Variants in TNFSF8 observed in about 807,000 individuals in gnomAD.
The protein encoded by TNFSF8 is tumor necrosis factor ligand superfamily member 8.
A neutral mutation model predicts 22.0 loss-of-function variants in TNFSF8; 4 were observed. The observed-to-expected ratio is 0.18, with a 90% CI of 0.09 to 0.42. The LOEUF (loss-of-function observed/expected upper bound fraction) is 0.42. TNFSF8 is among the 10% of genes least tolerant of loss of function. The pLI is 1.00. For synonymous variants in TNFSF8, 106 were observed against 112.5 expected (o/e 0.94, Z 0.37); for missense variants, 233 against 281.8 (o/e 0.83, Z 1.24).
chr9:114,919,848 T>G lies in TNFSF8; in HGVS notation c.196-1710A>C, dbSNP rs552852005. ...CTTGTTTTCTTATGAATGGATCTCT[T>G]CTCTAGTGCAAGAGGTTGGTAGTGA... On this transcript the variant is annotated intron_variant, in intron 1 of 3. Transcript: ENST00000223795. 2.0e-5 allele frequency among the ~76,000 whole-genome samples: 3 copies of G among 152,278 alleles called. No individual in the cohort carries two copies. The South Asian group carries it at 6.2e-4, about 32-fold the overall frequency.
chr9:114,920,502 T>C (rs981294039), intron 1 of TNFSF8, among the ~76,000 whole-genome samples: 4 of 152,196 alleles, frequency 2.6e-5, no homozygotes, highest in Non-Finnish European at 5.9e-5. Context: ...TTAAAAAATA[T>C]AAATAAATGT....
chr9:114,902,629 G>A lies in TNFSF8; in HGVS notation c.*1302C>T. On this transcript the variant is annotated 3_prime_UTR_variant, in exon 4 of 4. Coordinates refer to ENST00000223795, the MANE Select transcript of TNFSF8 (RefSeq NM_001244.4). The stretch of plus-strand genomic sequence containing the variant: ...AACCTTGTCCCCATATTCTGGCTCT[G>A]CTGAGATGAGATGCAGTCAGGTGTT... 1 of 985,380 alleles carries A rather than the reference G, an allele frequency of 1.0e-6. No homozygotes were observed. The highest frequency in any genetic ancestry group is 4.7e-5 in the South Asian group (1 of 21,286). The allele number at this position is 985,380 out of a possible 1,614,324, so 61.0% of individuals were successfully genotyped here.
intron 2 of TNFSF8, among the ~76,000 whole-genome samples, chr9:114,915,689 T>C (rs1462429184): frequency 1.3e-5 from 2 of 152,202 alleles, no homozygotes; most frequent in Admixed American, 6.5e-5. Flanking sequence ...ATTCCCCATG[T>C]TGCTGTGGCT....
chr9:114,925,692 T>C (rs1828048334), intron 1 of TNFSF8, among the ~76,000 whole-genome samples: 1 of 152,070 alleles, frequency 6.6e-6, no homozygotes, highest in African/African-American at 2.4e-5. Flanking sequence ...AGAGTATTAT[T>C]ATTATTATTT....
intron 1 of TNFSF8, among the ~76,000 whole-genome samples, chr9:114,927,557 C>T (rs930783902): frequency 1.3e-5 from 2 of 152,188 alleles, no homozygotes; most frequent in African/African-American, 4.8e-5. Context: ...AACTAATCCC[C>T]AGGAGTTTTT....
At chr9:114,922,185 C>T (rs1280238062) in intron 1 of TNFSF8, among the ~76,000 whole-genome samples, 1 of 152,206 alleles carries the variant, frequency 6.6e-6, no homozygotes, top group African/African-American at 2.4e-5. Context: ...GCCTCAATAC[C>T]TTGAAAGGCT....
At chr9:114,905,981 T>C in intron 2 of TNFSF8, 82 bp from the exon 3 acceptor site, 1 of 894,264 alleles carries the variant, frequency 1.1e-6, no homozygotes, top group South Asian at 1.4e-5. Context: ...TACAACACTT[T>C]GATGGAGACA....
intron 1 of TNFSF8, among the ~76,000 whole-genome samples, chr9:114,923,131 G>A (rs987953452): frequency 7.9e-5 from 12 of 151,976 alleles, no homozygotes; most frequent in Non-Finnish European, 1.6e-4. Flanking sequence ...ATCTAGTTCC[G>A]TTTCTTCTCC....
At chr9:114,923,415 C>A (rs1030079803) in intron 1 of TNFSF8, among the ~76,000 whole-genome samples, 1 of 152,168 alleles carries the variant, frequency 6.6e-6, no homozygotes, top group Non-Finnish European at 1.5e-5. Flanking sequence ...ATGGCAAAAC[C>A]ACCAAGTGAA....
rs1268685299 is a variant in TNFSF8, at chr9:114,901,749, A to G, written c.*2182T>C. The G allele has an allele frequency of 1.2e-5, 12 of 985,226 alleles. No homozygotes were observed. The Admixed American group carries it at 7.4e-4, about 61-fold the overall frequency. 61.0% of individuals were successfully genotyped at this position (985,226 alleles called of 1,614,324 possible). A position where few individuals can be genotyped will look rare whatever the true frequency, so the allele number is the denominator to read the frequency against. ...TTCCAATGCCTGCTTCTCCCAAAGA[A>G]TCTACTCACAGAAAGAGTTAAAGAG... On this transcript the variant is annotated 3_prime_UTR_variant, in exon 4 of 4. Transcript: ENST00000223795.
chr9:114,917,494 A>T (rs933050706), intron 2 of TNFSF8, among the ~76,000 whole-genome samples: 7 of 152,222 alleles, frequency 4.6e-5, no homozygotes, highest in Non-Finnish European at 1.0e-4. Flanking sequence ...TGAACTCGGC[A>T]TATCATCTCT....
At chr9:114,920,718 G>A (rs890899505) in intron 1 of TNFSF8, among the ~76,000 whole-genome samples, 1 of 152,082 alleles carries the variant, frequency 6.6e-6, no homozygotes, top group South Asian at 2.1e-4. Context: ...ACCCAGGCTG[G>A]AGTGCAGTGG....
rs377462621 is a variant in TNFSF8, at chr9:114,915,538, A to G, written c.238+2558T>C. Among the ~76,000 whole-genome samples, 6 of 152,136 alleles carry G rather than the reference A, an allele frequency of 3.9e-5. No homozygotes were observed. In the East Asian group the frequency reaches 5.8e-4, roughly 15 times the overall value. On this transcript the variant is annotated intron_variant, in intron 2 of 3. Transcript: ENST00000223795. ...GTACTGCCTCCAGCAGGTCACTGGC[A>G]TCTCATGGTGGAAGCCGGTCATGCA...
intron 2 of TNFSF8, among the ~76,000 whole-genome samples, chr9:114,917,424 T>C (rs1381007703): frequency 5.3e-5 from 8 of 152,164 alleles, no homozygotes; most frequent in Non-Finnish European, 1.2e-4. Context: ...TCCTTTTCCT[T>C]CTCTGAGCAA....
intron 1 of TNFSF8, among the ~76,000 whole-genome samples, chr9:114,926,743 G>A (rs1019067860): frequency 6.6e-6 from 1 of 151,898 alleles, no homozygotes; most frequent in African/African-American, 2.4e-5. Context: ...TGTGTACTGT[G>A]TATTTGTAGA....
chr9:114,897,037 G>T (rs1009949609), downstream of TNFSF8, among the ~76,000 whole-genome samples: 4 of 152,030 alleles, frequency 2.6e-5, no homozygotes, highest in Non-Finnish European at 4.4e-5. Flanking sequence ...CGAGTAGCTG[G>T]GATTACAGGC....
intron 1 of TNFSF8, among the ~76,000 whole-genome samples, chr9:114,928,523 A>ATC (rs767053843): frequency 1.2e-4 from 18 of 151,160 alleles, no homozygotes; most frequent in South Asian, 4.2e-4. Context: ...TTTTTCCACC[A>ATC]TCTCTCTCTC....
In TNFSF8 at chr9:114,902,010, T is replaced by C. The variant is rs1046063173; in HGVS notation, c.*1921A>G. On this transcript the variant is annotated 3_prime_UTR_variant, in exon 4 of 4. Transcript: ENST00000223795. ...CCTTTTCTCTCCTTCTTGAGAAAAATGCAAATTTTGCTCCATGTTTTGGTA... is the reference window on the plus strand; with the variant it reads ...CCTTTTCTCTCCTTCTTGAGAAAAACGCAAATTTTGCTCCATGTTTTGGTA... 6 of 985,298 alleles carry C rather than the reference T, an allele frequency of 6.1e-6. No individual in the cohort carries two copies. In the African/African-American group the frequency reaches 1.0e-4, roughly 17 times the overall value. The allele number at this position is 985,298 out of a possible 1,614,324, so 61.0% of individuals were successfully genotyped here.
At chr9:114,907,717 C>G (rs908523882) in intron 2 of TNFSF8, among the ~76,000 whole-genome samples, 1 of 152,148 alleles carries the variant, frequency 6.6e-6, no homozygotes, top group Admixed American at 6.6e-5. Context: ...TATGAATGGT[C>G]ATAACTAATA....
Sources: allele counts gnomAD v4.1 joint callset (sites outside exome capture counted in the v4.1 genomes callset), GRCh38; gene constraint gnomAD v4.1.1; transcripts MANE v1.5; gene names NCBI Gene and HGNC (gene_info 2026-07-23, HGNC 2026-07-21).